The following IMMT variants were observed in gnomAD, a reference collection of about 807,000 sequenced individuals.
IMMT encodes the protein inner membrane mitochondrial protein.
Under a neutral mutation model 92.7 loss-of-function variants are expected in IMMT, and 40 were observed. That is an observed-to-expected ratio of 0.43 (90% CI 0.34 to 0.56). The LOEUF is 0.56. Among genes scored for constraint, IMMT ranks in the 20% least tolerant of loss-of-function variants. The probability of loss-of-function intolerance (pLI) is 0.03; values close to 1 mark genes in which losing one functional copy is unlikely to be tolerated. For missense variants in IMMT, 831 were observed against 912.1 expected (o/e 0.91, Z 1.14); for synonymous variants, 322 against 336.1 (o/e 0.96, Z 0.46).
At chr2:86,187,780 C>G (rs530038971) in intron 1 of IMMT, among the ~76,000 whole-genome samples, 1 of 151,794 alleles carries the variant, frequency 6.6e-6, no homozygotes, top group African/African-American at 2.4e-5. Context: ...GGCGTGGTGG[C>G]GCATGCCTGT....
intron 6 of IMMT, among the ~76,000 whole-genome samples, chr2:86,169,616 A>G (rs961457346): frequency 1.3e-5 from 2 of 152,226 alleles, no homozygotes; most frequent in Non-Finnish European, 2.9e-5. Flanking sequence ...AGACATCAAC[A>G]TATTATAGCA....
chr2:86,190,723 C>T (rs1478067068), intron 1 of IMMT, among the ~76,000 whole-genome samples: 3 of 152,238 alleles, frequency 2.0e-5, no homozygotes, highest in Admixed American at 2.0e-4. Flanking sequence ...GGTGCAGTGA[C>T]TTAAGCCTGT....
Position 86,147,752 on chromosome 2 carries a change from G to T in IMMT, c.1483C>A (p.Arg495=). 1 of 1,613,830 alleles carries T rather than the reference G, an allele frequency of 6.2e-7. No homozygotes were observed. Among genetic ancestry groups the T allele is most frequent in the Non-Finnish European group, 8.5e-7 (1 of 1,179,768 alleles). ...TGTTCTTGTACCCTAAGGACATCTC[G>T]CAAGTGATCAGTGTGGGCAGCTGCC... The part of the protein sequence containing the change: ...RQAAAHTDHL[R]DVLRVQEQEL... The change falls in exon 13 of 15, where the codon CGA becomes AGA. Residue 495 remains arginine (R), a synonymous_variant. Coordinates refer to ENST00000410111, the MANE Select transcript of IMMT (RefSeq NM_006839.3).
At chr2:86,164,052 A>AT (rs540613367) in intron 7 of IMMT, among the ~76,000 whole-genome samples, 633 of 63,022 alleles carry the variant, frequency 0.01, 58 homozygotes, top group African/African-American at 0.032. Context: ...CACTTTAGTC[A>AT]TTTTTTTTTT....
chr2:86,157,788 C>CAAAA (rs74548175), intron 10 of IMMT, among the ~76,000 whole-genome samples: 68 of 84,212 alleles, frequency 8.1e-4, no homozygotes, highest in African/African-American at 3.6e-3. Context: ...AACTTTGTCT[C>CAAAA]AAAAAAAAAA....
At chr2:86,176,179 C>T (rs150254523) in intron 3 of IMMT, among the ~76,000 whole-genome samples, 1 of 152,302 alleles carries the variant, frequency 6.6e-6, no homozygotes, top group Non-Finnish European at 1.5e-5. Flanking sequence ...AGTTCCTAGG[C>T]TGACATTTAA....
intron 1 of IMMT, among the ~76,000 whole-genome samples, chr2:86,183,197 AC>A (rs1672545366): frequency 6.6e-6 from 1 of 152,350 alleles, no homozygotes; most frequent in African/African-American, 2.4e-5. Context: ...TAATTAGCTA[AC>A]TGGAGTATCA....
chr2:86,177,248 CTTT>C (rs5832672), intron 3 of IMMT, among the ~76,000 whole-genome samples: 53 of 147,404 alleles, frequency 3.6e-4, no homozygotes, highest in African/African-American at 1.3e-3. Context: ...CTTTTACAGA[CTTT>C]TTTTTTTTTT....
At chr2:86,149,273 G>C (rs752844618) in intron 12 of IMMT, among the ~76,000 whole-genome samples, 1 of 152,122 alleles carries the variant, frequency 6.6e-6, no homozygotes, top group Non-Finnish European at 1.5e-5. Flanking sequence ...CAATGTACTA[G>C]GCAGAGAAAA....
At chr2:86,191,747 CAAAAAAAAA>C (rs572412565) in intron 1 of IMMT, among the ~76,000 whole-genome samples, 1 of 116,874 alleles carries the variant, frequency 8.6e-6, no homozygotes, top group Non-Finnish European at 1.7e-5. Context: ...ACTAAAAATA[CAAAAAAAAA>C]AAAAAAAAAA....
At chr2:86,162,152 A>C (rs1426911582) in intron 7 of IMMT, 73 bp from the exon 8 acceptor site, 4 of 869,940 alleles carry the variant, frequency 4.6e-6, no homozygotes, top group Non-Finnish European at 7.0e-6. Context: ...AAGATTGAAC[A>C]CAGAAACATG....
At position 86,144,158 on chromosome 2, in the gene IMMT, TA is replaced by T. The variant is rs1674809602; in HGVS notation, c.*109del. On this transcript the variant is annotated 3_prime_UTR_variant, in exon 15 of 15. Coordinates refer to ENST00000410111, the MANE Select transcript of IMMT (RefSeq NM_006839.3). The stretch of plus-strand genomic sequence containing the variant: ...GTGTTAACATTTAGAACAGTACTTG[TA>T]AACCTGCTCATTTCTAGACAAGTCC... 2 of 1,208,066 alleles carry T rather than the reference TA, an allele frequency of 1.7e-6. No homozygotes were observed. The highest frequency in any genetic ancestry group is 1.2e-6 in the Non-Finnish European group (1 of 864,456). 74.8% of individuals were successfully genotyped at this position (1,208,066 alleles called of 1,614,324 possible). A position where few individuals can be genotyped will look rare whatever the true frequency, so the allele number is the denominator to read the frequency against.
intron 6 of IMMT, among the ~76,000 whole-genome samples, chr2:86,166,935 T>C (rs1474473026): frequency 6.6e-6 from 1 of 151,366 alleles, no homozygotes; most frequent in Non-Finnish European, 1.5e-5. Flanking sequence ...CCGTCTCTAC[T>C]AAAAATACAA....
At chr2:86,182,448 C>T (rs1200312024) in intron 1 of IMMT, among the ~76,000 whole-genome samples, 1 of 152,148 alleles carries the variant, frequency 6.6e-6, no homozygotes, top group Non-Finnish European at 1.5e-5. Context: ...TAGAGGTAAA[C>T]AGCTAACTAA....
intron 10 of IMMT, chr2:86,158,316 C>CT (rs928051033): frequency 0.019 from 4,006 of 211,234 alleles, no homozygotes; most frequent in East Asian, 0.032. Context: ...AAATTCCAAA[C>CT]TTTTTTTTTT....
intron 6 of IMMT, among the ~76,000 whole-genome samples, chr2:86,168,607 AGT>A (rs1447809475): frequency 1.3e-5 from 2 of 152,202 alleles, no homozygotes; most frequent in Non-Finnish European, 2.9e-5. Context: ...TAGGTGACAG[AGT>A]GAGACTCTGT....
intron 10 of IMMT, among the ~76,000 whole-genome samples, chr2:86,155,171 CCTT>C (rs1675767674): frequency 6.6e-6 from 1 of 152,094 alleles, no homozygotes; most frequent in Non-Finnish European, 1.5e-5. Context: ...CCAGTCCTGA[CCTT>C]CTTAATAACC....
At chr2:86,165,751 CATAA>C (rs1378304207) in intron 7 of IMMT, among the ~76,000 whole-genome samples, 11 of 86,674 alleles carry the variant, frequency 1.3e-4, no homozygotes, top group African/African-American at 2.5e-4. Flanking sequence ...AAGTGTTTCG[CATAA>C]ATAATCATAA....
chr2:86,163,696 G>A (rs368138395), intron 7 of IMMT, among the ~76,000 whole-genome samples: 2 of 152,018 alleles, frequency 1.3e-5, no homozygotes, highest in Admixed American at 6.6e-5. Flanking sequence ...TATGTAGCCA[G>A]GTGCAGTGGC....
Sources: allele counts gnomAD v4.1 joint callset (sites outside exome capture counted in the v4.1 genomes callset), GRCh38; gene constraint gnomAD v4.1.1; transcripts MANE v1.5; gene names NCBI Gene and HGNC (gene_info 2026-07-23, HGNC 2026-07-21).